FBXL19: variants seen among roughly 807,000 people sequenced by gnomAD.
FBXL19 encodes the protein F-box and leucine rich repeat protein 19.
Under a neutral mutation model 71.2 loss-of-function variants are expected in FBXL19, and 16 were observed. That is an observed-to-expected ratio of 0.22 (90% CI 0.15 to 0.34). FBXL19 has a LOEUF of 0.34. Ranked by LOEUF, FBXL19 falls within the 10% of genes least tolerant of loss-of-function variation. FBXL19 has a pLI of 1.00. For missense variants in FBXL19, 658 were observed against 968.2 expected, an observed-to-expected ratio of 0.68 and a Z score of 4.25; for synonymous variants, 447 against 409.4, an observed-to-expected ratio of 1.09 and a Z score of -1.11.
Position 30,930,465 on chromosome 16 carries a change from C to T in FBXL19, c.1182C>T (p.Leu394=). 1 of 1,534,888 alleles carries T rather than the reference C, an allele frequency of 6.5e-7. No individual in the cohort carries two copies. Among genetic ancestry groups the T allele is most frequent in the Non-Finnish European group, 8.7e-7 (1 of 1,146,006 alleles). The change falls in exon 7 of 11, where the codon CTC becomes CTT. Residue 394 remains leucine, a synonymous_variant. Transcript: ENST00000338343. The surrounding 1 kb of genome is among the most constrained non-coding windows in gnomAD (Gnocchi z 8.5). Reference sequence around the variant, plus strand: ...CTCGAAGCCCTGAGCCCGACACACTCCCCTTGGCTGCTGGATCCGACCACC... The same window carrying T: ...CTCGAAGCCCTGAGCCCGACACACTTCCCTTGGCTGCTGGATCCGACCACC... ...PPPRSPEPDT[L]PLAAGSDHPL...
At chr16:30,938,657 G>A (rs1468218486) in intron 7 of FBXL19, among the ~76,000 whole-genome samples, 1 of 152,088 alleles carries the variant, frequency 6.6e-6, no homozygotes, top group Non-Finnish European at 1.5e-5. Context: ...TCTTTTTTGA[G>A]ATGGAGTCTT....
chr16:30,928,705 C>A, intron 6 of FBXL19, 77 bp downstream of exon 6: 4 of 1,243,430 alleles, frequency 3.2e-6, no homozygotes, highest in Non-Finnish European at 4.1e-6. Context: ...AGACCTGTCC[C>A]TTCCTGCTCA....
At position 30,930,181 on chromosome 16, in the gene FBXL19, G is replaced by T; in HGVS notation, c.898G>T (p.Val300Leu). ...GCGGATGTGCCAGCTGCTGGAACGGGTGCCTGACACCTCCTCTTCCTCCTC... is the reference window on the plus strand; with the variant it reads ...GCGGATGTGCCAGCTGCTGGAACGGTTGCCTGACACCTCCTCTTCCTCCTC... ...FKRMCQLLER[V>L]PDTSSSSSDS... Residue 300 changes from valine (V) to leucine (L), a missense_variant, in exon 7 of 11, where the codon GTG becomes TTG. Coordinates refer to ENST00000338343, the MANE Select transcript of FBXL19 (RefSeq NM_001382779.1). This position sits in a 1 kb window ranked among gnomAD's most constrained non-coding sequence, Gnocchi z 8.5. 6.2e-7 allele frequency: 1 copy of T among 1,613,330 alleles called. No individual in the cohort carries two copies. The highest frequency in any genetic ancestry group is 8.5e-7 in the Non-Finnish European group (1 of 1,179,888).
At chr16:30,938,600 A>T (rs1010529927) in intron 7 of FBXL19, among the ~76,000 whole-genome samples, 1 of 152,156 alleles carries the variant, frequency 6.6e-6, no homozygotes, top group African/African-American at 2.4e-5. Context: ...AGTTTTGGAA[A>T]GGAAGTCTTT....
chr16:30,935,865 CAT>C (rs2055726721), intron 7 of FBXL19, among the ~76,000 whole-genome samples: 1 of 152,130 alleles, frequency 6.6e-6, no homozygotes, highest in African/African-American at 2.4e-5. Context: ...CATCAAGCCA[CAT>C]GTCTCTGGGA....
rs1010434005 is a variant in FBXL19 at position 30,928,326 on chromosome 16, G to A, written c.628-141G>A. The stretch of plus-strand genomic sequence containing the variant: ...AGTGGGCTAGGACGCTGGGTGCAAG[G>A]TGAGCATGCTCAGAGTTATCCCTGG... On this transcript the variant is annotated intron_variant, in intron 5 of 10. Transcript: ENST00000338343. 1.3e-5 allele frequency: 12 copies of A among 912,206 alleles called. No homozygotes were observed. In the African/African-American group the frequency reaches 1.9e-4, roughly 15 times the overall value. 56.5% of individuals were successfully genotyped at this position (912,206 alleles called of 1,614,324 possible). A position where few individuals can be genotyped will look rare whatever the true frequency, so the allele number is the denominator to read the frequency against.
chr16:30,947,212 G>A lies in FBXL19; in HGVS notation c.2007G>A (p.Leu669=). ...PGPFRCPEEK[L]LLKDS ...CCTTCCGCTGCCCTGAGGAGAAGCT[G>A]CTTCTCAAGGACAGCTAGTTGGGCG... Residue 669 remains leucine, a synonymous_variant, in exon 11 of 11, where the codon CTG becomes CTA. Transcript: ENST00000338343. The A allele has an allele frequency of 6.3e-7, 1 of 1,594,282 alleles. No individual in the cohort carries two copies. The highest frequency in any genetic ancestry group is 8.5e-7 in the Non-Finnish European group (1 of 1,176,726).
chr16:30,939,453 G>A (rs1334259887), intron 7 of FBXL19, among the ~76,000 whole-genome samples: 44 of 116,128 alleles, frequency 3.8e-4, no homozygotes, highest in East Asian at 1.4e-3. Flanking sequence ...TCGCTCTGTC[G>A]CCCAGGCTGG....
At position 30,926,805 on chromosome 16, in the gene FBXL19, C is replaced by T. The variant is rs79134883; in HGVS notation, c.178-503C>T. ...GTCACACTGTCTGAGGCTGCCCCCACTTCCCCAAGACTAGTGGCTTCCCTA... is the reference window on the plus strand; with the variant it reads ...GTCACACTGTCTGAGGCTGCCCCCATTTCCCCAAGACTAGTGGCTTCCCTA... On this transcript the variant is annotated intron_variant, in intron 2 of 10. Coordinates refer to ENST00000338343, the MANE Select transcript of FBXL19 (RefSeq NM_001382779.1). 2.5e-3 allele frequency among the ~76,000 whole-genome samples: 376 copies of T among 152,336 alleles called. 1 individual carries two copies. The highest frequency in any genetic ancestry group is 3.6e-3 in the Non-Finnish European group (242 of 68,034).
At chr16:30,932,876 T>C (rs2055690942) in intron 7 of FBXL19, among the ~76,000 whole-genome samples, 1 of 147,754 alleles carries the variant, frequency 6.8e-6, no homozygotes. Flanking sequence ...AGCCTTGCTC[T>C]GTCACCCAGG....
intron 7 of FBXL19, among the ~76,000 whole-genome samples, chr16:30,931,190 C>T (rs1279857954): frequency 6.6e-6 from 1 of 152,094 alleles, no homozygotes; most frequent in Non-Finnish European, 1.5e-5. Flanking sequence ...GTCGGTCATC[C>T]TCCCGAGCCT....
At position 30,924,061 on chromosome 16, in the gene FBXL19, G is replaced by A. The variant is rs960751262; in HGVS notation, c.-423G>A. ...GGGTCCGGGAAGGGGCCAGTTAAAG[G>A]GCCAGGGGCGCTGGGGAGAGGCGGG... On this transcript the variant is annotated 5_prime_UTR_variant, in exon 1 of 11. Coordinates refer to ENST00000338343, the MANE Select transcript of FBXL19 (RefSeq NM_001382779.1). 6.7e-6 allele frequency: 1 copy of A among 149,208 alleles called. No individual in the cohort carries two copies. The highest frequency in any genetic ancestry group is 1.5e-5 in the Non-Finnish European group (1 of 66,718). The allele number at this position is 149,208 out of a possible 1,614,324, so 9.2% of individuals were successfully genotyped here.
chr16:30,942,029 G>T lies in FBXL19; in HGVS notation c.1302-87G>T. On this transcript the variant is annotated intron_variant, in intron 7 of 10. Transcript: ENST00000338343. This position sits in a 1 kb window ranked among gnomAD's most constrained non-coding sequence, Gnocchi z 5.7. The stretch of plus-strand genomic sequence containing the variant: ...TCTGTGTGGCCAGAAGAGAGCTGGG[G>T]TGCACCCTTGGAGCTGGGGAGCCTG... 2 of 1,396,160 alleles carry T rather than the reference G, an allele frequency of 1.4e-6. No homozygotes were observed. Among genetic ancestry groups the T allele is most frequent in the South Asian group, 1.5e-5 (1 of 64,968 alleles). 86.5% of individuals were successfully genotyped at this position (1,396,160 alleles called of 1,614,324 possible). A position where few individuals can be genotyped will look rare whatever the true frequency, so the allele number is the denominator to read the frequency against.
At chr16:30,926,068 T>C in intron 2 of FBXL19, 137 bp downstream of exon 2, 1 of 1,324,818 alleles carries the variant, frequency 7.5e-7, no homozygotes, top group Non-Finnish European at 9.6e-7. Context: ...TTCACTAGTT[T>C]GTGTCAGTAT....
rs1276202240 is a variant in FBXL19, at chr16:30,942,142, G to A, written c.1328G>A (p.Arg443Gln). ...TGCTATGACAAGCGTCTGTGGCCTCGAATGGACCTGAGCCGGCGGAAGTCA... is the reference window on the plus strand; with the variant it reads ...TGCTATGACAAGCGTCTGTGGCCTCAAATGGACCTGAGCCGGCGGAAGTCA... ...RWCYDKRLWP[R>Q]MDLSRRKSLT... Residue 443 changes from arginine to glutamine, a missense_variant, in exon 8 of 11, where the codon CGA becomes CAA. By Grantham distance (43) the Arg-to-Gln change is conservative. Coordinates refer to ENST00000338343, the MANE Select transcript of FBXL19 (RefSeq NM_001382779.1). The surrounding 1 kb of genome is among the most constrained non-coding windows in gnomAD (Gnocchi z 5.7). The A allele has an allele frequency of 1.3e-6, 2 of 1,596,432 alleles. No homozygotes were observed. The highest frequency in any genetic ancestry group is 1.7e-5 in the Admixed American group (1 of 58,258).
upstream of FBXL19, among the ~76,000 whole-genome samples, chr16:30,923,461 TGGTGGAGGA>T (rs575531356): frequency 2.7e-4 from 32 of 117,076 alleles, 1 homozygote; most frequent in East Asian, 7.6e-3. Flanking sequence ...AAAGTGGAGG[TGGTGGAGGA>T]AGGAGGGGGA....
intron 9 of FBXL19, among the ~76,000 whole-genome samples, chr16:30,944,659 G>A (rs2055840172): frequency 6.6e-6 from 1 of 151,982 alleles, no homozygotes; most frequent in Admixed American, 6.6e-5. Flanking sequence ...TCAAACTCTT[G>A]CCCAGCTTAA....
chr16:30,926,942 G>A (rs544342688), intron 2 of FBXL19, among the ~76,000 whole-genome samples: 2 of 152,296 alleles, frequency 1.3e-5, no homozygotes, highest in East Asian at 3.9e-4. Flanking sequence ...CCCACCCTCT[G>A]AGTGTTACTG....
In FBXL19 at chr16:30,946,989, C is replaced by T; in HGVS notation, c.1846+41C>T. On this transcript the variant is annotated intron_variant, in intron 10 of 10. Coordinates refer to ENST00000338343, the MANE Select transcript of FBXL19 (RefSeq NM_001382779.1). The surrounding 1 kb of genome is among the most constrained non-coding windows in gnomAD (Gnocchi z 6.7). Reference sequence around the variant, plus strand: ...CATCCGTCCTGCCAGCCTGTGGATCCCCACGGCCAGTGCCAACCCCTTGCT... The same window carrying T: ...CATCCGTCCTGCCAGCCTGTGGATCTCCACGGCCAGTGCCAACCCCTTGCT... The T allele has an allele frequency of 1.3e-6, 2 of 1,580,962 alleles. No individual in the cohort carries two copies. The highest frequency in any genetic ancestry group is 1.7e-6 in the Non-Finnish European group (2 of 1,164,530).
Sources: allele counts gnomAD v4.1 joint callset (sites outside exome capture counted in the v4.1 genomes callset), GRCh38; gene constraint gnomAD v4.1.1; non-coding constraint Gnocchi (gnomAD v3.1); transcripts MANE v1.5; gene names NCBI Gene and HGNC (gene_info 2026-07-23, HGNC 2026-07-21).